Variants in RBFOX1 observed in about 807,000 individuals in gnomAD.
The protein encoded by RBFOX1 is RNA binding fox-1 homolog 1, also known as RNA binding protein fox-1 homolog 1.
RBFOX1 carries 8 observed loss-of-function variants against 57.7 expected under a neutral mutation model. The ratio of observed to expected loss-of-function variants is 0.14; its 90% CI spans 0.08 to 0.25. The LOEUF is 0.25. RBFOX1 is among the 10% of genes least tolerant of loss of function. The pLI, the probability that RBFOX1 is intolerant of heterozygous loss-of-function variation, is 1.00. For missense variants in RBFOX1, 611 were observed against 548.5 expected (o/e 1.11, Z -1.14); for synonymous variants, 326 against 222.4 (o/e 1.47, Z -4.15).
At chr16:6,662,830 C>T (rs2098709873) in intron 3 of RBFOX1, among the ~76,000 whole-genome samples, 1 of 152,074 alleles carries the variant, frequency 6.6e-6, no homozygotes, top group African/African-American at 2.4e-5. Flanking sequence ...GTTCTTTCTG[C>T]TCTTTCTGTT....
At chr16:6,118,052 C>G (rs1333287993) in intron 1 of RBFOX1, among the ~76,000 whole-genome samples, 1 of 152,170 alleles carries the variant, frequency 6.6e-6, no homozygotes, top group Non-Finnish European at 1.5e-5. Context: ...ATAAGAGTTG[C>G]AAAAGTAGTC....
chr16:7,027,101 C>T (rs2041192703), intron 3 of RBFOX1, among the ~76,000 whole-genome samples: 1 of 152,104 alleles, frequency 6.6e-6, no homozygotes, highest in African/African-American at 2.4e-5. Flanking sequence ...TTTCCTGAAC[C>T]CGTCTCTCCT....
intron 4 of RBFOX1, among the ~76,000 whole-genome samples, chr16:5,931,592 G>A (rs894390103): frequency 6.6e-6 from 1 of 152,168 alleles, no homozygotes; most frequent in African/African-American, 2.4e-5. Context: ...GGTCTGAAAA[G>A]ACGTTACAGA....
In RBFOX1 at chr16:5,908,919, G is replaced by C. The variant is rs143087020; in HGVS notation, c.351+41584G>C. Among the ~76,000 whole-genome samples the C allele has an allele frequency of 4.4e-3, 670 of 152,128 alleles. 7 individuals carry two copies. Among genetic ancestry groups the C allele is most frequent in the African/African-American group, 0.016 (651 of 41,508 alleles). Reference sequence around the variant, plus strand: ...TCCTCTCTGTGTGAGGACACAGCAAGAAGCTGGCTGTCTGTCAACAGGGGA... The same window carrying C: ...TCCTCTCTGTGTGAGGACACAGCAACAAGCTGGCTGTCTGTCAACAGGGGA... On this transcript the variant is annotated intron_variant, in intron 4 of 19. Coordinates refer to the RBFOX1 transcript ENST00000641259.
chr16:5,679,201 G>A (rs182895295), intron 3 of RBFOX1, among the ~76,000 whole-genome samples: 15 of 152,234 alleles, frequency 9.9e-5, no homozygotes, highest in Admixed American at 1.3e-4. Flanking sequence ...CTGCAAGGGC[G>A]CATCTTCATT....
At chr16:6,976,304 T>C (rs940418359) in intron 3 of RBFOX1, among the ~76,000 whole-genome samples, 2 of 152,198 alleles carry the variant, frequency 1.3e-5, no homozygotes, top group African/African-American at 4.8e-5. Flanking sequence ...ACAGGCATTC[T>C]GGCTTTAGAG....
At chr16:6,697,954 C>G (rs1397197723) in intron 3 of RBFOX1, among the ~76,000 whole-genome samples, 1 of 152,114 alleles carries the variant, frequency 6.6e-6, no homozygotes, top group African/African-American at 2.4e-5. Flanking sequence ...AGGAACCAAC[C>G]AGAGAGTTGA....
At chr16:6,728,310 A>G (rs1180683904) in intron 3 of RBFOX1, among the ~76,000 whole-genome samples, 1 of 152,154 alleles carries the variant, frequency 6.6e-6, no homozygotes, top group Non-Finnish European at 1.5e-5. Context: ...TACTTATCAA[A>G]TAGTGAAAAA....
At chr16:5,704,240 T>C (rs1340981239) in intron 3 of RBFOX1, among the ~76,000 whole-genome samples, 1 of 152,052 alleles carries the variant, frequency 6.6e-6, no homozygotes, top group Non-Finnish European at 1.5e-5. Flanking sequence ...AAAACAGTAA[T>C]AATTTGGATA....
chr16:6,237,463 A>G (rs1010098552), intron 1 of RBFOX1, among the ~76,000 whole-genome samples: 37 of 152,188 alleles, frequency 2.4e-4, no homozygotes, highest in African/African-American at 8.7e-4. Flanking sequence ...CCCCACTTTC[A>G]TCAGTTCTAA....
intron 4 of RBFOX1, among the ~76,000 whole-genome samples, chr16:7,411,924 A>T (rs1206621001): frequency 2.4e-5 from 3 of 124,752 alleles, no homozygotes; most frequent in Non-Finnish European, 5.2e-5. Flanking sequence ...AAAAAAAAAA[A>T]GATAGGGAAA....
chr16:7,066,622 T>G lies in RBFOX1; in HGVS notation c.27+14524T>G, dbSNP rs191897813. Among the ~76,000 whole-genome samples the G allele has an allele frequency of 2.6e-5, 4 of 152,318 alleles. No homozygotes were observed. The East Asian group carries it at 7.7e-4, about 29-fold the overall frequency. ...CTCATAAAGCGGGGGGTGTTTTTGTTAAAAGTGTAGACAATTTCCCAAAAC... is the reference window on the plus strand; with the variant it reads ...CTCATAAAGCGGGGGGTGTTTTTGTGAAAAGTGTAGACAATTTCCCAAAAC... On this transcript the variant is annotated intron_variant, in intron 4 of 15. Transcript: ENST00000550418.
At chr16:7,664,648 C>T in intron 12 of RBFOX1, 1 of 471,990 alleles carries the variant, frequency 2.1e-6, no homozygotes, top group Non-Finnish European at 3.8e-6. Context: ...ATTTCAAAGT[C>T]GTGCCTTTCT....
intron 2 of RBFOX1, among the ~76,000 whole-genome samples, chr16:6,470,954 A>G (rs973069199): frequency 6.6e-6 from 1 of 152,172 alleles, no homozygotes; most frequent in African/African-American, 2.4e-5. Context: ...AGATACAATA[A>G]AATAATCTTC....
chr16:6,093,828 C>T (rs1359859476), intron 1 of RBFOX1, among the ~76,000 whole-genome samples: 1 of 151,940 alleles, frequency 6.6e-6, no homozygotes, highest in Non-Finnish European at 1.5e-5. Context: ...CTGTGTTGCC[C>T]AGGCTGATCT....
At chr16:6,879,321 A>G (rs192870739) in intron 3 of RBFOX1, among the ~76,000 whole-genome samples, 46 of 152,310 alleles carry the variant, frequency 3.0e-4, no homozygotes, top group Non-Finnish European at 4.3e-4. Context: ...TTTCTTTGCT[A>G]TAATTAACTT....
Position 6,591,466 on chromosome 16 carries a change from A to T in RBFOX1, c.-63-63137A>T, listed in dbSNP as rs145466485. Among the ~76,000 whole-genome samples, 887 of 152,260 alleles carry T rather than the reference A, an allele frequency of 5.8e-3. 7 individuals carry two copies. Among genetic ancestry groups the T allele is most frequent in the Non-Finnish European group, 9.4e-3 (636 of 68,016 alleles). ...GAGACTCTGTCTCACAAAAAAAGGA[A>T]AATGAAAAACCTTTGTGTTATGCAT... On this transcript the variant is annotated intron_variant, in intron 2 of 15. Coordinates refer to ENST00000550418, the MANE Select transcript of RBFOX1 (RefSeq NM_018723.4).
Position 6,264,440 on chromosome 16 carries a change from C to G in RBFOX1, c.-126-52555C>G, listed in dbSNP as rs2097720785. 2.0e-5 allele frequency among the ~76,000 whole-genome samples: 3 copies of G among 152,152 alleles called. No homozygotes were observed. In the South Asian group the frequency reaches 6.2e-4, roughly 32 times the overall value. On this transcript the variant is annotated intron_variant, in intron 1 of 15. Coordinates refer to ENST00000550418, the MANE Select transcript of RBFOX1 (RefSeq NM_018723.4). ...TCTTGTTGGAAACCCGTCAAATAGT[C>G]TTAAACTGAAGTTCAAATGCTCCCA...
At chr16:6,819,717 AAAAAAAAAAAAAAAT>A (rs1416303867) in intron 3 of RBFOX1, among the ~76,000 whole-genome samples, 2 of 144,740 alleles carry the variant, frequency 1.4e-5, no homozygotes, top group African/African-American at 5.1e-5. Flanking sequence ...AAAAAAAAAA[AAAAAAAAAAAAAAAT>A]AACAACACCA....
Sources: gnomAD v4.1 joint callset for allele counts (sites outside exome capture counted in the v4.1 genomes callset) on GRCh38, gnomAD v4.1.1 for gene constraint, MANE v1.5 for transcripts, NCBI Gene and HGNC (gene_info 2026-07-23, HGNC 2026-07-21) for gene names.